Variants in ZSCAN5A observed in about 807,000 individuals in gnomAD.
ZSCAN5A encodes zinc finger and SCAN domain containing 5A.
A neutral mutation model predicts 23.7 loss-of-function variants in ZSCAN5A; 12 were observed. The observed-to-expected ratio is 0.51, with a 90% CI of 0.32 to 0.82. ZSCAN5A has a LOEUF of 0.82. Among genes scored for constraint, ZSCAN5A ranks in the 40% least tolerant of loss-of-function variants. The probability of loss-of-function intolerance (pLI) is 0.03; values close to 1 mark genes in which losing one functional copy is unlikely to be tolerated. For missense variants in ZSCAN5A, 597 were observed against 617.9 expected, an observed-to-expected ratio of 0.97 and a Z score of 0.36; for synonymous variants, 257 against 239.9, an observed-to-expected ratio of 1.07 and a Z score of -0.66.
In ZSCAN5A at chr19:56,355,588, T is replaced by TA. The variant is rs1288647143; in HGVS notation, c.-358+7646dup. Among the ~76,000 whole-genome samples, 15 of 149,088 alleles carry TA rather than the reference T, an allele frequency of 1.0e-4. 3 individuals are homozygous for TA. The highest frequency in any genetic ancestry group is 3.8e-4 in the African/African-American group (15 of 39,660). Reference sequence around the variant, plus strand: ...AACAATAGCCCAAGACCAAGCTCTGTAAAACAATTATGACTGTAAAACAAT... The same window carrying TA: ...AACAATAGCCCAAGACCAAGCTCTGTAAAAACAATTATGACTGTAAAACAAT... On this transcript the variant is annotated intron_variant, in intron 2 of 6. Coordinates refer to the ZSCAN5A transcript ENST00000587340.
At chr19:56,274,089 C>A (rs2038064756) in intron 2 of ZSCAN5A, among the ~76,000 whole-genome samples, 1 of 152,104 alleles carries the variant, frequency 6.6e-6, no homozygotes, top group Non-Finnish European at 1.5e-5. Flanking sequence ...GAGAAGCATG[C>A]AGAAAGGCTC....
intron 2 of ZSCAN5A, among the ~76,000 whole-genome samples, chr19:56,259,275 T>C (rs932181381): frequency 3.3e-5 from 5 of 152,032 alleles, no homozygotes; most frequent in African/African-American, 1.2e-4. Context: ...AGCAACATGG[T>C]AGAACCATGA....
intron 2 of ZSCAN5A, chr19:56,302,936 C>T: frequency 2.5e-6 from 1 of 398,514 alleles, no homozygotes; most frequent in East Asian, 3.6e-5. Context: ...GGGAGGCAGA[C>T]ATCCACAGAG....
At chr19:56,354,516 G>C (rs1366197287) in intron 2 of ZSCAN5A, 1 of 152,158 alleles carries the variant, frequency 6.6e-6, no homozygotes, top group Non-Finnish European at 1.5e-5. Flanking sequence ...ATGTAGTGGT[G>C]GGGTCAATGT....
In ZSCAN5A at chr19:56,221,813, T is replaced by A. The variant is rs1312356736; in HGVS notation, c.1253A>T (p.Gln418Leu). The A allele has an allele frequency of 1.2e-6, 2 of 1,613,998 alleles. No homozygotes were observed. Among genetic ancestry groups the A allele is most frequent in the Non-Finnish European group, 8.5e-7 (1 of 1,179,956 alleles). Residue 418 changes from glutamine to leucine, a missense_variant, in exon 6 of 6, where the codon CAG (glutamine) becomes CTG (leucine). Transcript: ENST00000683990. ...GTAGGACTTCTGGGTGAACTGCTTC[T>A]GGCAGACGTCACACGTGTAGGGCCT... ...GERPYTCDVC[Q>L]KQFTQKSYLK...
chr19:56,308,702 C>T (rs2040857166), intron 2 of ZSCAN5A, among the ~76,000 whole-genome samples: 1 of 151,680 alleles, frequency 6.6e-6, no homozygotes, highest in South Asian at 2.1e-4. Flanking sequence ...ACATTGATTC[C>T]TTGATCTCTG....
At chr19:56,324,133 T>C (rs2147427550) in intron 2 of ZSCAN5A, among the ~76,000 whole-genome samples, 1 of 152,228 alleles carries the variant, frequency 6.6e-6, no homozygotes, top group South Asian at 2.1e-4. Context: ...CCTTTCCCCC[T>C]CTATTCATAG....
At chr19:56,339,075 T>C (rs984555010) in intron 2 of ZSCAN5A, among the ~76,000 whole-genome samples, 4 of 152,270 alleles carry the variant, frequency 2.6e-5, no homozygotes, top group Non-Finnish European at 4.4e-5. Context: ...TGTAACTAAT[T>C]ACAGACTGCA....
rs185417769 is a variant in ZSCAN5A at position 56,358,932 on chromosome 19, G to A, written c.-358+4303C>T. On this transcript the variant is annotated intron_variant, in intron 2 of 6. Transcript: ENST00000587340. ...TGGGATGCAGCTAAAGCAGTGTTAA[G>A]AGGGAAATTTACAGCACTAAATAGA... Among the ~76,000 whole-genome samples the A allele has an allele frequency of 1.3e-3, 203 of 152,282 alleles. 1 individual carries two copies. Among genetic ancestry groups the A allele is most frequent in the Non-Finnish European group, 1.7e-3 (119 of 68,026 alleles).
intron 2 of ZSCAN5A, among the ~76,000 whole-genome samples, chr19:56,251,580 C>T (rs377373635): frequency 3.3e-5 from 5 of 152,262 alleles, no homozygotes; most frequent in African/African-American, 9.6e-5. Context: ...GTGTGTTTTA[C>T]AGGGTCTTAT....
rs191566741 is a variant in ZSCAN5A, at chr19:56,359,938, C to T, written c.-358+3297G>A. On this transcript the variant is annotated intron_variant, in intron 2 of 6. Transcript: ENST00000587340. ...TGATGGCACATATCCAAAATAAGAG[C>T]CATTTATGACAAACCGACAGCCAGT... Among the ~76,000 whole-genome samples the T allele has an allele frequency of 1.1e-4, 16 of 152,144 alleles. No individual in the cohort carries two copies. The East Asian group carries it at 3.1e-3, about 29-fold the overall frequency.
intron 2 of ZSCAN5A, among the ~76,000 whole-genome samples, chr19:56,272,356 C>G (rs1040524309): frequency 6.6e-6 from 1 of 152,224 alleles, no homozygotes; most frequent in Non-Finnish European, 1.5e-5. Context: ...AACTACAAAG[C>G]TCAGTCTTGC....
At chr19:56,238,128 A>C (rs1359561249) in intron 2 of ZSCAN5A, among the ~76,000 whole-genome samples, 30 of 124,244 alleles carry the variant, frequency 2.4e-4, no homozygotes, top group African/African-American at 7.2e-4. Flanking sequence ...ACCCACACAC[A>C]GACACACACA....
rs1281210021 is a variant in ZSCAN5A, at chr19:56,320,834, G to GC, written c.-357-4567dup. ...ACCATAGGTGGCAGCAAGATGCTGT[G>GC]CCCCCTCGCTTTCAAGTCCATAATC... On this transcript the variant is annotated intron_variant, in intron 2 of 6. Transcript: ENST00000587340. 6.4e-6 allele frequency: 5 copies of GC among 779,152 alleles called. No individual in the cohort carries two copies. In the East Asian group the frequency reaches 1.2e-4, roughly 19 times the overall value. The allele number at this position is 779,152 out of a possible 1,614,324, so 48.3% of individuals were successfully genotyped here. A position where few individuals can be genotyped will look rare whatever the true frequency, so the allele number is the denominator to read the frequency against.
intron 2 of ZSCAN5A, chr19:56,247,106 C>T (rs754637201): frequency 6.0e-5 from 42 of 701,558 alleles, no homozygotes; most frequent in East Asian, 5.4e-4. Context: ...TCCAAGCTAG[C>T]CATCCACATG....
chr19:56,251,447 A>C (rs115042694), intron 2 of ZSCAN5A, among the ~76,000 whole-genome samples: 1 of 152,186 alleles, frequency 6.6e-6, no homozygotes, highest in African/African-American at 2.4e-5. Context: ...TATCAGTCAG[A>C]GTCCAATGAA....
In ZSCAN5A at chr19:56,225,177, G is replaced by GA; in HGVS notation, c.-127-5_-127-4insT. 7.3e-7 allele frequency: 1 copy of GA among 1,375,764 alleles called. No individual in the cohort carries two copies. The highest frequency in any genetic ancestry group is 9.3e-7 in the Non-Finnish European group (1 of 1,073,552). 85.2% of individuals were successfully genotyped at this position (1,375,764 alleles called of 1,614,324 possible). A position where few individuals can be genotyped will look rare whatever the true frequency, so the allele number is the denominator to read the frequency against. On this transcript the variant is annotated splice_polypyrimidine_tract_variant and splice_region_variant and intron_variant, in intron 2 of 5. Coordinates refer to ENST00000683990, the MANE Select transcript of ZSCAN5A (RefSeq NM_001322064.3). ...GATTCACTGTTCATTCAGAAGTCTG[G>GA]GGGGGAAAAGTATGAGCCTCATTAG...
intron 2 of ZSCAN5A, among the ~76,000 whole-genome samples, chr19:56,285,703 A>T (rs1187624135): frequency 1.3e-5 from 2 of 151,968 alleles, no homozygotes; most frequent in East Asian, 1.9e-4. Flanking sequence ...CTGGTCTCGA[A>T]CTCCTGACCT....
chr19:56,292,094 G>A (rs2039549433), intron 2 of ZSCAN5A, among the ~76,000 whole-genome samples: 1 of 152,156 alleles, frequency 6.6e-6, no homozygotes, highest in African/African-American at 2.4e-5. Flanking sequence ...TGACTCAGCT[G>A]CTTAACCACG....
Sources: gnomAD v4.1 joint callset for allele counts (sites outside exome capture counted in the v4.1 genomes callset) on GRCh38, gnomAD v4.1.1 for gene constraint, MANE v1.5 for transcripts, NCBI Gene and HGNC (gene_info 2026-07-23, HGNC 2026-07-21) for gene names.